The following ARSB variants were observed in gnomAD, a reference collection of about 807,000 sequenced individuals.
The protein encoded by ARSB is N-acetylgalactosamine-4-sulfatase.
ARSB carries 41 observed loss-of-function variants against 50.9 expected under a neutral mutation model. The observed-to-expected ratio is 0.81, with a 90% confidence interval of 0.63 to 1.04. The LOEUF (loss-of-function observed/expected upper bound fraction) is 1.04. ARSB is among the 50% of genes least tolerant of loss of function. The pLI, the probability that ARSB is intolerant of heterozygous loss-of-function variation, is 0.00. For missense variants in ARSB, 672 were observed against 693.3 expected (o/e 0.97, Z 0.35); for synonymous variants, 269 against 284.8 (o/e 0.94, Z 0.56).
chr5:78,839,657 A>G (rs950160852), intron 5 of ARSB, among the ~76,000 whole-genome samples: 3 of 152,220 alleles, frequency 2.0e-5, no homozygotes. Context: ...ATATGAAGAT[A>G]TTTTAAAAAA....
At chr5:78,965,190 C>T (rs2112516441) in intron 2 of ARSB, among the ~76,000 whole-genome samples, 1 of 152,248 alleles carries the variant, frequency 6.6e-6, no homozygotes, top group East Asian at 1.9e-4. Context: ...TGAAATAAGA[C>T]TTTTCTACCT....
rs112150612 is a variant in ARSB, at chr5:78,827,565, G to A, written c.1213+11791C>T. 2.4e-3 allele frequency among the ~76,000 whole-genome samples: 362 copies of A among 152,262 alleles called. 1 individual carries two copies. The highest frequency in any genetic ancestry group is 4.5e-3 in the Admixed American group (69 of 15,284). The stretch of plus-strand genomic sequence containing the variant: ...AACACTTTGCTGAGATGGATTCCAA[G>A]GATAATCCAGCAATATCATTTTTAG... On this transcript the variant is annotated intron_variant, in intron 6 of 7. Coordinates refer to ENST00000264914, the MANE Select transcript of ARSB (RefSeq NM_000046.5).
intron 4 of ARSB, among the ~76,000 whole-genome samples, chr5:78,927,816 G>A (rs1248574156): frequency 6.6e-6 from 1 of 152,126 alleles, no homozygotes; most frequent in Non-Finnish European, 1.5e-5. Context: ...CCAAACAAAG[G>A]AAACTCACAA....
In ARSB at chr5:78,781,979, G is replaced by T. The variant is rs1580962835; in HGVS notation, c.1214-5C>A. On this transcript the variant is annotated splice_polypyrimidine_tract_variant and splice_region_variant and intron_variant, in intron 6 of 7. Coordinates refer to ENST00000264914, the MANE Select transcript of ARSB (RefSeq NM_000046.5). ...GAGCCATGCTGTTCCTGGGACCTGGGAAGAAATAGTTTGAAAGAATTAGAT... is the reference window on the plus strand; with the variant it reads ...GAGCCATGCTGTTCCTGGGACCTGGTAAGAAATAGTTTGAAAGAATTAGAT... 1 of 1,614,108 alleles carries T rather than the reference G, an allele frequency of 6.2e-7. No individual in the cohort carries two copies. Among genetic ancestry groups the T allele is most frequent in the Non-Finnish European group, 8.5e-7 (1 of 1,179,948 alleles).
intron 6 of ARSB, among the ~76,000 whole-genome samples, chr5:78,799,915 C>T (rs1332204518): frequency 3.9e-5 from 6 of 152,334 alleles, no homozygotes; most frequent in African/African-American, 7.2e-5. Flanking sequence ...CTACACCTTG[C>T]GACCAACCTC....
chr5:78,807,138 G>A lies in ARSB; in HGVS notation c.1214-25164C>T, dbSNP rs991887590. On this transcript the variant is annotated intron_variant, in intron 6 of 7. Coordinates refer to ENST00000264914, the MANE Select transcript of ARSB (RefSeq NM_000046.5). ...ACGAGGGTGGTAGAAATAAGGCCAA[G>A]AAAAAAATCCACTCTGAAAAATGTT... Among the ~76,000 whole-genome samples, 7 of 151,860 alleles carry A rather than the reference G, an allele frequency of 4.6e-5. 1 individual carries two copies. Among genetic ancestry groups the A allele is most frequent in the Non-Finnish European group, 1.0e-4 (7 of 67,950 alleles).
intron 5 of ARSB, among the ~76,000 whole-genome samples, chr5:78,846,628 A>G (rs1745457187): frequency 6.6e-6 from 1 of 152,090 alleles, no homozygotes; most frequent in South Asian, 2.1e-4. Flanking sequence ...GAATTTGTTT[A>G]TCAGTTGTAA....
intron 5 of ARSB, among the ~76,000 whole-genome samples, chr5:78,856,872 C>A (rs931049744): frequency 6.6e-6 from 1 of 152,192 alleles, no homozygotes; most frequent in African/African-American, 2.4e-5. Flanking sequence ...AGACATCACT[C>A]TCTCATAAGA....
At chr5:78,978,231 C>G (rs2112559871) in intron 1 of ARSB, among the ~76,000 whole-genome samples, 1 of 151,648 alleles carries the variant, frequency 6.6e-6, no homozygotes, top group East Asian at 2.0e-4. Context: ...CCCAGCTACT[C>G]AGGAGGCTGA....
intron 5 of ARSB, among the ~76,000 whole-genome samples, chr5:78,839,972 A>C (rs1745126627): frequency 6.6e-6 from 1 of 152,352 alleles, no homozygotes; most frequent in East Asian, 1.9e-4. Context: ...AAATGTGTAC[A>C]CACAAATACA....
chr5:78,984,162 G>T (rs1328243066), intron 1 of ARSB, among the ~76,000 whole-genome samples: 1 of 152,152 alleles, frequency 6.6e-6, no homozygotes, highest in Non-Finnish European at 1.5e-5. Context: ...TTCCTGCCTC[G>T]TCTGTAAAAC....
At position 78,955,315 on chromosome 5, in the gene ARSB, G is replaced by A. The variant is rs765506970; in HGVS notation, c.878C>T (p.Thr293Met). Reference sequence around the variant, plus strand: ...CTTACCTGTAGAAAAGATGAACACCGTGTTGTTCCAGAGCCCACTGCTTTT... The same window carrying A: ...CTTACCTGTAGAAAAGATGAACACCATGTTGTTCCAGAGCCCACTGCTTTT... ...ALKSSGLWNN[T>M]VFIFSTDNGG... Residue 293 changes from threonine to methionine, a missense_variant, in exon 4 of 8, where the codon ACG becomes ATG. Physicochemically the swap from Thr to Met is moderately conservative, Grantham distance 81. Coordinates refer to ENST00000264914, the MANE Select transcript of ARSB (RefSeq NM_000046.5). 5 of 1,613,996 alleles carry A rather than the reference G, an allele frequency of 3.1e-6. No individual in the cohort carries two copies. The highest frequency in any genetic ancestry group is 2.2e-5 in the South Asian group (2 of 91,088).
chr5:78,922,213 G>C (rs1205389875), intron 4 of ARSB, among the ~76,000 whole-genome samples: 2 of 146,994 alleles, frequency 1.4e-5, no homozygotes, highest in Non-Finnish European at 3.0e-5. Context: ...GGGGGGGGAG[G>C]AGGGGGCACG....
chr5:78,829,651 C>T (rs557952337), intron 6 of ARSB, among the ~76,000 whole-genome samples: 3 of 152,274 alleles, frequency 2.0e-5, no homozygotes, highest in East Asian at 3.9e-4. Context: ...GGTTACTAAA[C>T]AGGCCGTTTA....
chr5:78,877,778 G>T (rs745886409), intron 5 of ARSB, among the ~76,000 whole-genome samples: 5 of 152,154 alleles, frequency 3.3e-5, no homozygotes, highest in Non-Finnish European at 7.3e-5. Context: ...GACCAAAAGG[G>T]ATAGAAATAT....
Position 78,780,541 on chromosome 5 carries a change from G to T in ARSB, c.1458C>A (p.Asp486Glu). The T allele has an allele frequency of 1.9e-6, 3 of 1,614,150 alleles. No homozygotes were observed. Among genetic ancestry groups the T allele is most frequent in the South Asian group, 2.2e-5 (2 of 91,076 alleles). The change falls in exon 8 of 8, where the codon GAC (aspartate) becomes GAA (glutamate). Residue 486 changes from aspartate (D) to glutamate (E), a missense_variant. Physicochemically the swap from Asp to Glu is conservative, Grantham distance 45. Transcript: ENST00000264914. ...CGATGTGAGGATATTCTCTGGACAG[G>T]TCATGTCTTTCTTCAGGGTCCCGAT... ...DIDRDPEERH[D>E]LSREYPHIVT...
At chr5:78,810,364 A>G (rs1201015438) in intron 6 of ARSB, among the ~76,000 whole-genome samples, 2 of 152,202 alleles carry the variant, frequency 1.3e-5, no homozygotes, top group African/African-American at 4.8e-5. Flanking sequence ...TAAAAACAGC[A>G]CAGTGAAAAC....
chr5:78,870,025 A>C (rs1225708008), intron 5 of ARSB, among the ~76,000 whole-genome samples: 1 of 137,220 alleles, frequency 7.3e-6, no homozygotes, highest in African/African-American at 2.6e-5. Flanking sequence ...ATCAGAGAAT[A>C]CTACAAACAC....
intron 4 of ARSB, among the ~76,000 whole-genome samples, chr5:78,904,508 G>GT (rs1422780418): frequency 6.6e-6 from 1 of 151,784 alleles, no homozygotes; most frequent in Non-Finnish European, 1.5e-5. Flanking sequence ...AATTTGTGAA[G>GT]TTTTCACACA....
Sources: allele counts gnomAD v4.1 joint callset (sites outside exome capture counted in the v4.1 genomes callset), GRCh38; gene constraint gnomAD v4.1.1; transcripts MANE v1.5; gene names NCBI Gene and HGNC (gene_info 2026-07-23, HGNC 2026-07-21).